The following TOP2B variants were observed in gnomAD, a reference collection of about 807,000 sequenced individuals.
TOP2B encodes the protein DNA topoisomerase II beta, also known as DNA topoisomerase 2-beta.
A neutral mutation model predicts 193.5 loss-of-function variants in TOP2B; 51 were observed. The ratio of observed to expected loss-of-function variants is 0.26; its 90% CI spans 0.21 to 0.33. The LOEUF is 0.33. TOP2B is among the 10% of genes least tolerant of loss of function. The probability of loss-of-function intolerance (pLI) is 1.00; values close to 1 mark genes in which losing one functional copy is unlikely to be tolerated. For missense variants in TOP2B, 1,378 were observed against 1,909.3 expected, an observed-to-expected ratio of 0.72 and a Z score of 5.19; for synonymous variants, 634 against 635.7, an observed-to-expected ratio of 1.00 and a Z score of 0.04.
chr3:25,606,717 A>T (rs1702245714), intron 31 of TOP2B, among the ~76,000 whole-genome samples: 1 of 152,212 alleles, frequency 6.6e-6, no homozygotes, highest in Admixed American at 6.5e-5. Flanking sequence ...AGAAAAATCT[A>T]TCAAGGCCAA....
chr3:25,628,347 C>A (rs1702865330), intron 15 of TOP2B, among the ~76,000 whole-genome samples: 1 of 142,882 alleles, frequency 7.0e-6, no homozygotes, highest in African/African-American at 2.7e-5. Context: ...TGGTGGCACA[C>A]ACCTGTAGTC....
At chr3:25,659,417 T>G (rs1253791080) in intron 1 of TOP2B, among the ~76,000 whole-genome samples, 6 of 152,188 alleles carry the variant, frequency 3.9e-5, no homozygotes, top group African/African-American at 1.4e-4. Context: ...TACTTATCAC[T>G]GGATTAAAAA....
intron 1 of TOP2B, among the ~76,000 whole-genome samples, chr3:25,656,347 C>A (rs1703745631): frequency 6.6e-6 from 1 of 152,042 alleles, no homozygotes; most frequent in South Asian, 2.1e-4. Context: ...GCCTGTCGTC[C>A]CAGCTACTCT....
intron 10 of TOP2B, 94 bp downstream of exon 10, chr3:25,632,352 C>T (rs1039555676): frequency 1.3e-5 from 14 of 1,107,686 alleles, no homozygotes; most frequent in South Asian, 3.2e-5. Context: ...ACAGTTAATA[C>T]GATGAAAGAA....
At chr3:25,603,056 C>G (rs1269261185) in intron 33 of TOP2B, among the ~76,000 whole-genome samples, 2 of 152,082 alleles carry the variant, frequency 1.3e-5, no homozygotes, top group Non-Finnish European at 2.9e-5. Flanking sequence ...AAGAAGGAAG[C>G]AAGTAGGATA....
rs745503698 is a variant in TOP2B, at chr3:25,630,879, G to C, written c.1327C>G (p.Gln443Glu). ...ACTGATGAACACTTCTTATTCAGCT[G>C]AGTCTGAGCCTTAAATTTCACCCAG... ...LNWVKFKAQT[Q>E]LNKKCSSVKY... The change falls in exon 11 of 36, where the codon CAG (glutamine) becomes GAG (glutamate). Residue 443 changes from glutamine (Q) to glutamate (E), a missense_variant. Gln to Glu is a conservative substitution (Grantham distance 29, BLOSUM62 2). Around this residue, in one of 9 missense-constraint regions of TOP2B, gnomAD observed 66 missense variants for 153.3 expected, o/e 0.43. Transcript: ENST00000264331. 12 of 1,605,546 alleles carry C rather than the reference G, an allele frequency of 7.5e-6. No individual in the cohort carries two copies. In the East Asian group the frequency reaches 2.7e-4, roughly 36 times the overall value.
At chr3:25,620,129 T>C in intron 22 of TOP2B, 67 bp from the exon 23 acceptor site, 1 of 1,061,282 alleles carries the variant, frequency 9.4e-7, no homozygotes, top group Non-Finnish European at 1.4e-6. Flanking sequence ...CTACAAGTCA[T>C]ACAGTCTTGA....
rs1488299159 is a variant in TOP2B at position 25,620,803 on chromosome 3, T to C, written c.2741A>G (p.Lys914Arg). The C allele has an allele frequency of 6.2e-7, 1 of 1,613,308 alleles. No homozygotes were observed. The highest frequency in any genetic ancestry group is 8.5e-7 in the Non-Finnish European group (1 of 1,179,580). The change falls in exon 22 of 36, where the codon AAA (lysine) becomes AGA (arginine). Residue 914 changes from lysine to arginine, a missense_variant. Physicochemically the swap from Lys to Arg is conservative, Grantham distance 26 (BLOSUM62 2). This residue lies in a region of TOP2B where 379 missense variants were observed against 615.1 expected (regional missense o/e 0.62). Transcript: ENST00000264331. ...TTCTTGAATCGTGCCTTTAAAGTTT[T>C]TGTAGTTTGGAAGCTGTAGAGAAAA... ...LDPHPMLPNYKNFKGTIQELG... is the reference protein window; with the variant it reads ...LDPHPMLPNYRNFKGTIQELG...
Position 25,609,565 on chromosome 3 carries a change from C to T in TOP2B, c.3931+3G>A. The T allele has an allele frequency of 6.2e-7, 1 of 1,605,680 alleles. No individual in the cohort carries two copies. Among genetic ancestry groups the T allele is most frequent in the Non-Finnish European group, 8.5e-7 (1 of 1,175,754 alleles). Reference sequence around the variant, plus strand: ...CACATGCAAAACTATAATCATTTCTCACCAGGCTCCTTCTTCTCCCTCTTA... The same window carrying T: ...CACATGCAAAACTATAATCATTTCTTACCAGGCTCCTTCTTCTCCCTCTTA... On this transcript the variant is annotated splice_donor_region_variant and intron_variant, in intron 29 of 35. Transcript: ENST00000264331.
intron 18 of TOP2B, among the ~76,000 whole-genome samples, chr3:25,625,789 T>C (rs1384756571): frequency 1.3e-5 from 2 of 152,150 alleles, no homozygotes. Flanking sequence ...ACCCAGAGTA[T>C]GGTAAAAACA....
At chr3:25,611,017 C>A (rs1702355915) in intron 28 of TOP2B, among the ~76,000 whole-genome samples, 1 of 152,076 alleles carries the variant, frequency 6.6e-6, no homozygotes, top group African/African-American at 2.4e-5. Flanking sequence ...TGGGATAAGG[C>A]AAAGAACAGA....
chr3:25,650,952 G>T lies in TOP2B; in HGVS notation c.70-5482C>A, dbSNP rs529319722. Among the ~76,000 whole-genome samples the T allele has an allele frequency of 9.9e-5, 15 of 152,128 alleles. No individual in the cohort carries two copies. In the East Asian group the frequency reaches 1.3e-3, roughly 14 times the overall value. On this transcript the variant is annotated intron_variant, in intron 1 of 35. Coordinates refer to ENST00000264331, the MANE Select transcript of TOP2B (RefSeq NM_001330700.2). ...CATAATTCATATTGCTCTGACAGGG[G>T]CTCTTTTCCAAATGATGTCTTATCC...
chr3:25,621,425 G>A (rs1432914009), intron 21 of TOP2B, among the ~76,000 whole-genome samples: 1 of 152,038 alleles, frequency 6.6e-6, no homozygotes, highest in East Asian at 1.9e-4. Flanking sequence ...GCCGTGGCAC[G>A]ATATCAGCTC....
At position 25,632,822 on chromosome 3, in the gene TOP2B, G is replaced by A. The variant is rs1702997698; in HGVS notation, c.1027-28C>T. The A allele has an allele frequency of 1.9e-6, 3 of 1,580,440 alleles. No homozygotes were observed. The East Asian group carries it at 6.7e-5, about 35-fold the overall frequency. ...AAAGAAAAAAAAATATATGAAATCTGAAATCCTGTATTGTTAAAGTAGCAA... is the reference window on the plus strand; with the variant it reads ...AAAGAAAAAAAAATATATGAAATCTAAAATCCTGTATTGTTAAAGTAGCAA... On this transcript the variant is annotated intron_variant, in intron 8 of 35. Coordinates refer to ENST00000264331, the MANE Select transcript of TOP2B (RefSeq NM_001330700.2).
chr3:25,609,295 C>A lies in TOP2B; in HGVS notation c.3981G>T (p.Lys1327Asn). ...ACCAAGGATTCCGTTTCTTCACTTT[C>A]TTTGCACTAGGTTTACCAGATGATG... ...TPTSSGKPSA[K>N]KVKKRNPWSD... The change falls in exon 30 of 36, where the codon AAG becomes AAT. Residue 1327 changes from lysine to asparagine, a missense_variant. Physicochemically the swap from Lys to Asn is moderately conservative, Grantham distance 94. Transcript: ENST00000264331. 1 of 1,600,070 alleles carries A rather than the reference C, an allele frequency of 6.2e-7. No homozygotes were observed.
At chr3:25,648,848 C>T (rs1703492099) in intron 1 of TOP2B, among the ~76,000 whole-genome samples, 1 of 152,018 alleles carries the variant, frequency 6.6e-6, no homozygotes, top group Non-Finnish European at 1.5e-5. Flanking sequence ...GGTGACAGAG[C>T]AAGAGCCTGT....
At chr3:25,650,036 T>C (rs1453658432) in intron 1 of TOP2B, among the ~76,000 whole-genome samples, 1 of 152,100 alleles carries the variant, frequency 6.6e-6, no homozygotes. Context: ...CTGAAAAAAT[T>C]AGGTGCCTTT....
chr3:25,618,615 T>C, intron 24 of TOP2B, 39 bp downstream of exon 24: 1 of 1,558,096 alleles, frequency 6.4e-7, no homozygotes, highest in South Asian at 1.2e-5. Context: ...TTTTTTTCCA[T>C]TTTAACTAAT....
chr3:25,604,144 G>A (rs1409519269), intron 33 of TOP2B, among the ~76,000 whole-genome samples: 2 of 152,104 alleles, frequency 1.3e-5, no homozygotes, highest in Non-Finnish European at 2.9e-5. Flanking sequence ...AAATCCTTGA[G>A]GGAACAATCC....
Sources: gnomAD v4.1 joint callset for allele counts (sites outside exome capture counted in the v4.1 genomes callset) on GRCh38, gnomAD v4.1.1 for gene constraint, gnomAD v4.1.1 regional missense constraint, MANE v1.5 for transcripts, NCBI Gene and HGNC (gene_info 2026-07-23, HGNC 2026-07-21) for gene names.